Variants in PDE4D observed in about 807,000 individuals in gnomAD.
PDE4D encodes phosphodiesterase 4D, also known as 3',5'-cyclic-AMP phosphodiesterase 4D.
Under a neutral mutation model 87.4 loss-of-function variants are expected in PDE4D, and 24 were observed. That is an observed-to-expected ratio of 0.27 (90% CI 0.20 to 0.39). The LOEUF (loss-of-function observed/expected upper bound fraction) is 0.39, where lower values mean the gene tolerates loss of function less well. PDE4D is among the 10% of genes least tolerant of loss of function. PDE4D has a pLI of 1.00. For missense variants in PDE4D, 714 were observed against 1,041.0 expected (o/e 0.69, Z 4.32); for synonymous variants, 384 against 383.2 (o/e 1.00, Z -0.02).
intron 1 of PDE4D, among the ~76,000 whole-genome samples, chr5:60,450,948 C>A (rs1234577047): frequency 6.6e-6 from 1 of 152,056 alleles, no homozygotes; most frequent in Admixed American, 6.6e-5. Context: ...ATATAAATGA[C>A]AAAGCAGAAG....
intron 1 of PDE4D, among the ~76,000 whole-genome samples, chr5:60,439,014 C>T (rs577149338): frequency 5.7e-4 from 86 of 152,182 alleles, no homozygotes; most frequent in Admixed American, 1.0e-3. Flanking sequence ...GTTGAGACAA[C>T]CTAAATGTCC....
chr5:59,533,859 G>C (rs1814665046), intron 1 of PDE4D, among the ~76,000 whole-genome samples: 1 of 152,068 alleles, frequency 6.6e-6, no homozygotes, highest in Non-Finnish European at 1.5e-5. Flanking sequence ...TTATAATCTT[G>C]TTTGATAGTG....
intron 11 of PDE4D, among the ~76,000 whole-genome samples, chr5:58,979,623 G>A (rs531833159): frequency 8.3e-4 from 127 of 152,288 alleles, no homozygotes; most frequent in African/African-American, 2.7e-3. Flanking sequence ...GGATGGTACA[G>A]TGCACAGCAC....
intron 1 of PDE4D, among the ~76,000 whole-genome samples, chr5:60,236,541 G>A (rs1478950769): frequency 6.6e-6 from 1 of 151,768 alleles, no homozygotes; most frequent in Admixed American, 6.6e-5. Flanking sequence ...CCCTAAAAAT[G>A]TCTACACCCA....
intron 1 of PDE4D, among the ~76,000 whole-genome samples, chr5:59,353,312 A>G (rs1270964491): frequency 2.0e-5 from 3 of 151,972 alleles, no homozygotes; most frequent in Non-Finnish European, 2.9e-5. Context: ...CAGGCTTGCT[A>G]AATCTTTGCT....
At chr5:59,361,793 T>C (rs968798798) in intron 1 of PDE4D, among the ~76,000 whole-genome samples, 9 of 152,324 alleles carry the variant, frequency 5.9e-5, no homozygotes, top group Admixed American at 2.0e-4. Flanking sequence ...GTTTGTTTAA[T>C]AAATGGACAA....
At chr5:60,290,642 A>T (rs1224878088) in intron 1 of PDE4D, among the ~76,000 whole-genome samples, 1 of 152,072 alleles carries the variant, frequency 6.6e-6, no homozygotes, top group Non-Finnish European at 1.5e-5. Flanking sequence ...CATTTCCACT[A>T]AAAATACAAA....
intron 1 of PDE4D, among the ~76,000 whole-genome samples, chr5:60,514,820 A>G (rs1750724564): frequency 6.6e-6 from 1 of 152,128 alleles, no homozygotes; most frequent in African/African-American, 2.4e-5. Flanking sequence ...TCTATTTGAC[A>G]CTGGAAATCT....
intron 1 of PDE4D, among the ~76,000 whole-genome samples, chr5:59,487,276 C>T (rs1016840836): frequency 2.6e-5 from 4 of 151,972 alleles, no homozygotes; most frequent in Non-Finnish European, 5.9e-5. Flanking sequence ...GAAAGGTGAG[C>T]GAAACTTCTA....
rs911045695 is a variant in PDE4D at position 60,377,232 on chromosome 5, C to T, written c.-90+110710G>A. Among the ~76,000 whole-genome samples the T allele has an allele frequency of 7.9e-5, 12 of 152,298 alleles. No homozygotes were observed. The South Asian group carries it at 2.5e-3, about 32-fold the overall frequency. Reference sequence around the variant, plus strand: ...TTCACTATTTTACACACTATGAGGACAAAGACTATATCTGACTTGGACCTC... The same window carrying T: ...TTCACTATTTTACACACTATGAGGATAAAGACTATATCTGACTTGGACCTC... On this transcript the variant is annotated intron_variant, in intron 1 of 16. Coordinates refer to the PDE4D transcript ENST00000502484.
At chr5:59,934,732 G>A (rs901215207) in intron 3 of PDE4D, among the ~76,000 whole-genome samples, 2 of 152,154 alleles carry the variant, frequency 1.3e-5, no homozygotes, top group African/African-American at 2.4e-5. Flanking sequence ...GTAGCATTTC[G>A]TGTAGGCCTT....
intron 1 of PDE4D, among the ~76,000 whole-genome samples, chr5:59,817,753 C>T (rs1329178709): frequency 6.7e-6 from 1 of 148,706 alleles, no homozygotes; most frequent in Non-Finnish European, 1.5e-5. Flanking sequence ...CCCCCCCCCA[C>T]ACACACACAG....
intron 1 of PDE4D, among the ~76,000 whole-genome samples, chr5:60,476,028 A>G (rs142943826): frequency 1.5e-3 from 229 of 152,254 alleles, no homozygotes; most frequent in African/African-American, 5.4e-3. Flanking sequence ...TAATCCTGTC[A>G]GCATGTTCTA....
At position 59,458,614 on chromosome 5, in the gene PDE4D, G is replaced by A. The variant is rs537706424; in HGVS notation, c.456-242646C>T. ...CATGTTAAAAAATAACACATTTTGG[G>A]AATTAACTGTACGATTGGTTAAGCA... On this transcript the variant is annotated intron_variant, in intron 1 of 14. Transcript: ENST00000340635. Among the ~76,000 whole-genome samples, 4 of 152,266 alleles carry A rather than the reference G, an allele frequency of 2.6e-5. No homozygotes were observed. In the East Asian group the frequency reaches 7.7e-4, roughly 29 times the overall value.
chr5:60,440,153 G>A (rs900813897), intron 1 of PDE4D, among the ~76,000 whole-genome samples: 2 of 152,074 alleles, frequency 1.3e-5, no homozygotes, highest in African/African-American at 2.4e-5. Context: ...CGACAAAAAC[G>A]TCTTAGTGGG....
chr5:59,828,205 A>G (rs1451836258), intron 1 of PDE4D, among the ~76,000 whole-genome samples: 1 of 151,996 alleles, frequency 6.6e-6, no homozygotes, highest in Admixed American at 6.6e-5. Flanking sequence ...AAAGAGAGAG[A>G]AAAAATGATC....
intron 1 of PDE4D, among the ~76,000 whole-genome samples, chr5:60,216,137 G>C (rs776146894): frequency 6.6e-6 from 1 of 151,978 alleles, no homozygotes; most frequent in African/African-American, 2.4e-5. Flanking sequence ...ATCAGATAGC[G>C]CTTTATTCTG....
intron 1 of PDE4D, among the ~76,000 whole-genome samples, chr5:60,402,450 G>A (rs1339354352): frequency 6.6e-6 from 1 of 152,224 alleles, no homozygotes; most frequent in Non-Finnish European, 1.5e-5. Flanking sequence ...GCATGTGGGA[G>A]GTGTTCAGTA....
At chr5:60,120,819 T>C (rs1562119782) in intron 2 of PDE4D, among the ~76,000 whole-genome samples, 1 of 152,104 alleles carries the variant, frequency 6.6e-6, no homozygotes, top group Non-Finnish European at 1.5e-5. Flanking sequence ...TAACACTGAG[T>C]GTCAACTTGA....
Sources: allele counts gnomAD v4.1 joint callset (sites outside exome capture counted in the v4.1 genomes callset), GRCh38; gene constraint gnomAD v4.1.1; transcripts MANE v1.5; gene names NCBI Gene and HGNC (gene_info 2026-07-23, HGNC 2026-07-21).